The following PCDHA5 variants were observed in gnomAD, a reference collection of about 807,000 sequenced individuals.
PCDHA5 encodes protocadherin alpha-5.
Under a neutral mutation model 61.6 loss-of-function variants are expected in PCDHA5, and 43 were observed. The observed-to-expected ratio is 0.70, with a 90% CI of 0.55 to 0.90. PCDHA5 has a LOEUF of 0.90. PCDHA5 is among the 40% of genes least tolerant of loss of function. The pLI, the probability that PCDHA5 is intolerant of heterozygous loss-of-function variation, is 0.00. For synonymous variants in PCDHA5, 627 were observed against 543.9 expected, an observed-to-expected ratio of 1.15 and a Z score of -2.13; for missense variants, 1,298 against 1,222.7, an observed-to-expected ratio of 1.06 and a Z score of -0.92.
At chr5:140,990,507 T>C (rs1554251511) in intron 3 of PCDHA5, among the ~76,000 whole-genome samples, 1 of 152,158 alleles carries the variant, frequency 6.6e-6, no homozygotes, top group East Asian at 1.9e-4. Context: ...CCCCAAGTCT[T>C]CTCTCTTGTC....
chr5:140,926,793 G>T (rs2083556626), intron 1 of PCDHA5: 2 of 1,444,034 alleles, frequency 1.4e-6, no homozygotes, highest in Admixed American at 5.5e-5. Flanking sequence ...CGGCAGGAGC[G>T]TGCTCTTCCC....
At chr5:140,863,351 C>A in intron 1 of PCDHA5, 1 of 1,288,682 alleles carries the variant, frequency 7.8e-7, no homozygotes, top group Non-Finnish European at 1.1e-6. Flanking sequence ...CTGTACACGA[C>A]GCTGCGGTGC....
chr5:140,831,960 C>A (rs2150110933), intron 1 of PCDHA5, among the ~76,000 whole-genome samples: 1 of 152,212 alleles, frequency 6.6e-6, no homozygotes, highest in East Asian at 1.9e-4. Context: ...AACTTTATGT[C>A]ATTTTATGCT....
intron 1 of PCDHA5, chr5:140,870,593 G>A (rs991131905): frequency 6.2e-7 from 1 of 1,613,572 alleles, no homozygotes; most frequent in Non-Finnish European, 8.5e-7. Flanking sequence ...GTGGAGCGGC[G>A]GTTGGGCGAC....
At chr5:140,840,874 T>C (rs1776919998) in intron 1 of PCDHA5, among the ~76,000 whole-genome samples, 1 of 152,016 alleles carries the variant, frequency 6.6e-6, no homozygotes, top group Non-Finnish European at 1.5e-5. Context: ...GAGGACAGTT[T>C]ACATTTCTGA....
At chr5:140,993,509 CGGGGAGAG>C (rs2097568152) in intron 3 of PCDHA5, among the ~76,000 whole-genome samples, 1 of 143,490 alleles carries the variant, frequency 7.0e-6, no homozygotes, top group Non-Finnish European at 1.5e-5. Flanking sequence ...CACACACACA[CGGGGAGAG>C]AGAGACAGAG....
At chr5:140,979,563 C>T (rs1480899524) in intron 2 of PCDHA5, among the ~76,000 whole-genome samples, 1 of 152,174 alleles carries the variant, frequency 6.6e-6, no homozygotes, top group African/African-American at 2.4e-5. Context: ...GAAGATGAGC[C>T]ATGTAAAGGG....
chr5:140,862,412 G>C (rs536653894), intron 1 of PCDHA5: 92 of 349,964 alleles, frequency 2.6e-4, no homozygotes, highest in Middle Eastern at 1.0e-3. Flanking sequence ...ACCTTCAAAA[G>C]GCGCTGCCCA....
chr5:140,828,657 A>G (rs2150157690), intron 1 of PCDHA5: 3 of 1,614,090 alleles, frequency 1.9e-6, no homozygotes, highest in African/African-American at 2.7e-5. Flanking sequence ...AGTGATGACA[A>G]TAAACAAATT....
intron 1 of PCDHA5, among the ~76,000 whole-genome samples, chr5:140,918,947 G>T (rs56003): frequency 0.32 from 48,109 of 152,058 alleles, 7,963 homozygotes; most frequent in East Asian, 0.53. Context: ...ATAATATCCT[G>T]AACAGACTAA....
rs2150398719 is a variant in PCDHA5 at position 140,847,297 on chromosome 5, C to G, written c.2352+23170C>G. ...GAACGGGAAGACAAACTCAGAAGCT[C>G]CTGCAGTAATCAAGGACAGAAGCAA... On this transcript the variant is annotated intron_variant, in intron 1 of 3. Transcript: ENST00000529859. Among the ~76,000 whole-genome samples the G allele has an allele frequency of 1.1e-4, 16 of 149,638 alleles. 2 individuals carry two copies. The highest frequency in any genetic ancestry group is 3.9e-4 in the African/African-American group (16 of 40,870).
At position 140,870,626 on chromosome 5, in the gene PCDHA5, C is replaced by T. The variant is rs782773688; in HGVS notation, c.2352+46499C>T. 61 of 1,612,898 alleles carry T rather than the reference C, an allele frequency of 3.8e-5. No homozygotes were observed. Among genetic ancestry groups the T allele is most frequent in the Non-Finnish European group, 5.0e-5 (59 of 1,179,802 alleles). Reference sequence around the variant, plus strand: ...GACCGCGCGCTGTCGAGCTACGTGTCGGTGCACGCGGAGAGCGGCAAGGTG... The same window carrying T: ...GACCGCGCGCTGTCGAGCTACGTGTTGGTGCACGCGGAGAGCGGCAAGGTG... On this transcript the variant is annotated intron_variant, in intron 1 of 3. Transcript: ENST00000529859.
At chr5:140,876,706 G>C in intron 1 of PCDHA5, 1 of 1,614,214 alleles carries the variant, frequency 6.2e-7, no homozygotes, top group South Asian at 1.1e-5. Context: ...GCTGGACAGC[G>C]CCCTGGACCG....
At chr5:140,854,870 CTG>C (rs2043251909) in intron 1 of PCDHA5, among the ~76,000 whole-genome samples, 1 of 149,668 alleles carries the variant, frequency 6.7e-6, no homozygotes, top group African/African-American at 2.4e-5. Flanking sequence ...TATTTCAGAA[CTG>C]TGTCTTTTGG....
chr5:140,908,999 T>C (rs1221174156), intron 1 of PCDHA5, among the ~76,000 whole-genome samples: 1 of 152,190 alleles, frequency 6.6e-6, no homozygotes, highest in Non-Finnish European at 1.5e-5. Context: ...GAAATTTTAC[T>C]GAGGTAGAAG....
intron 1 of PCDHA5, chr5:140,877,674 G>A: frequency 1.9e-6 from 3 of 1,613,628 alleles, no homozygotes; most frequent in South Asian, 1.1e-5. Flanking sequence ...GGTGCGCGCC[G>A]GGCAAGCCCA....
intron 1 of PCDHA5, chr5:140,854,159 C>A (rs1172794260): frequency 2.5e-3 from 847 of 341,142 alleles, no homozygotes; most frequent in Admixed American, 7.6e-3. Context: ...GATTCTGTCT[C>A]AAAAAAAAAA....
At chr5:140,842,190 T>C (rs2150331409) in intron 1 of PCDHA5, 1 of 1,613,858 alleles carries the variant, frequency 6.2e-7, no homozygotes, top group East Asian at 2.2e-5. Context: ...ACTATGGTTA[T>C]TGACCACTTT....
intron 1 of PCDHA5, among the ~76,000 whole-genome samples, chr5:140,893,814 T>C (rs1254433414): frequency 6.6e-6 from 1 of 152,204 alleles, no homozygotes; most frequent in Non-Finnish European, 1.5e-5. Flanking sequence ...TTGAGTCTGG[T>C]ACCGTAGACT....
Sources: gnomAD v4.1 joint callset for allele counts (sites outside exome capture counted in the v4.1 genomes callset) on GRCh38, gnomAD v4.1.1 for gene constraint, MANE v1.5 for transcripts, NCBI Gene and HGNC (gene_info 2026-07-23, HGNC 2026-07-21) for gene names.